Variants in ERBB4 observed in about 807,000 individuals in gnomAD.
ERBB4 encodes receptor tyrosine-protein kinase erbB-4.
In ERBB4, 42 loss-of-function variants were observed where a neutral mutation model predicts 158.0. The observed-to-expected ratio is 0.27, with a 90% CI of 0.21 to 0.34. The LOEUF is 0.34. Among genes scored for constraint, ERBB4 ranks in the 10% least tolerant of loss-of-function variants. The pLI is 1.00. For synonymous variants in ERBB4, 583 were observed against 558.7 expected, an observed-to-expected ratio of 1.04 and a Z score of -0.61; for missense variants, 1,333 against 1,624.1, an observed-to-expected ratio of 0.82 and a Z score of 3.08.
At chr2:211,928,792 GT>G (rs150908710) in intron 3 of ERBB4, among the ~76,000 whole-genome samples, 2,803 of 152,198 alleles carry the variant, frequency 0.018, 96 homozygotes, top group African/African-American at 0.064. Context: ...TTCTTGTCAG[GT>G]TTAAAATTTC....
At chr2:212,322,827 G>A (rs771743543) in intron 1 of ERBB4, among the ~76,000 whole-genome samples, 4 of 150,298 alleles carry the variant, frequency 2.7e-5, no homozygotes, top group Non-Finnish European at 6.0e-5. Flanking sequence ...GAAGCATTCG[G>A]TACAAACATT....
chr2:211,690,298 C>G (rs1328327784), intron 12 of ERBB4, among the ~76,000 whole-genome samples: 1 of 152,040 alleles, frequency 6.6e-6, no homozygotes, highest in Non-Finnish European at 1.5e-5. Flanking sequence ...GCTATCTTCT[C>G]CCTCTTGTCC....
chr2:212,086,239 A>G (rs1045244356), intron 2 of ERBB4, among the ~76,000 whole-genome samples: 7 of 151,938 alleles, frequency 4.6e-5, no homozygotes, highest in Non-Finnish European at 8.8e-5. Flanking sequence ...AAATAATGTC[A>G]GTGTACAAGA....
intron 20 of ERBB4, among the ~76,000 whole-genome samples, chr2:211,513,118 C>A (rs1313516043): frequency 6.6e-6 from 1 of 151,580 alleles, no homozygotes; most frequent in African/African-American, 2.4e-5. Flanking sequence ...TGTATTTGTT[C>A]CCTCAAGCCC....
At chr2:211,982,412 T>C (rs1431057901) in intron 2 of ERBB4, among the ~76,000 whole-genome samples, 2 of 152,020 alleles carry the variant, frequency 1.3e-5, no homozygotes, top group Non-Finnish European at 2.9e-5. Context: ...CAGGAAGAAA[T>C]GTTCCACAAA....
At chr2:212,454,351 C>G (rs1201451568) in intron 1 of ERBB4, among the ~76,000 whole-genome samples, 1 of 152,056 alleles carries the variant, frequency 6.6e-6, no homozygotes, top group Admixed American at 6.6e-5. Context: ...TTCACACAAC[C>G]CAAAACATGC....
chr2:212,271,590 C>G (rs1380642982), intron 1 of ERBB4, among the ~76,000 whole-genome samples: 2 of 151,732 alleles, frequency 1.3e-5, no homozygotes, highest in African/African-American at 4.8e-5. Flanking sequence ...AAAAACATTA[C>G]TATGGGCTAT....
intron 3 of ERBB4, among the ~76,000 whole-genome samples, chr2:211,870,323 G>A (rs867913417): frequency 4.6e-5 from 7 of 152,186 alleles, no homozygotes; most frequent in Middle Eastern, 3.4e-3. Flanking sequence ...CTTATAAAAT[G>A]TCTTTACATT....
intron 8 of ERBB4, among the ~76,000 whole-genome samples, chr2:211,713,270 T>G (rs1305800175): frequency 6.6e-6 from 1 of 152,116 alleles, no homozygotes; most frequent in East Asian, 1.9e-4. Flanking sequence ...ATTGACAGAG[T>G]AACAGGCAAC....
intron 6 of ERBB4, among the ~76,000 whole-genome samples, chr2:211,724,773 T>A (rs1286923506): frequency 6.6e-6 from 1 of 152,144 alleles, no homozygotes; most frequent in Non-Finnish European, 1.5e-5. Flanking sequence ...CATAAACAGG[T>A]AATCACCGCA....
chr2:211,635,897 A>G (rs916835429), intron 16 of ERBB4, among the ~76,000 whole-genome samples: 9 of 152,084 alleles, frequency 5.9e-5, no homozygotes, highest in Non-Finnish European at 7.4e-5. Flanking sequence ...ATTTTCAACT[A>G]AAGATAAAAC....
chr2:211,534,362 T>C (rs1851180), intron 20 of ERBB4, among the ~76,000 whole-genome samples: 48,615 of 151,794 alleles, frequency 0.32, 8,561 homozygotes, highest in East Asian at 0.64. Flanking sequence ...TTTATCTCTC[T>C]TATTTTTCTC....
At chr2:212,248,738 T>C (rs1203076976) in intron 1 of ERBB4, among the ~76,000 whole-genome samples, 1 of 152,110 alleles carries the variant, frequency 6.6e-6, no homozygotes, top group Admixed American at 6.6e-5. Flanking sequence ...ACTAAACGGT[T>C]GCTCAAAATG....
chr2:212,198,868 C>A (rs1251621416), intron 1 of ERBB4, among the ~76,000 whole-genome samples: 3 of 150,610 alleles, frequency 2.0e-5, no homozygotes, highest in Non-Finnish European at 2.9e-5. Flanking sequence ...CAGACATGAA[C>A]CACCACACCT....
chr2:212,474,312 TA>T (rs1689266210), intron 1 of ERBB4, among the ~76,000 whole-genome samples: 1 of 152,002 alleles, frequency 6.6e-6, no homozygotes, highest in Admixed American at 6.6e-5. Flanking sequence ...ATAGGAGGCA[TA>T]AACGAGTAAT....
At position 211,794,610 on chromosome 2, in the gene ERBB4, C is replaced by T. The variant is rs149331890; in HGVS notation, c.422-6451G>A. Among the ~76,000 whole-genome samples, 186 of 152,016 alleles carry T rather than the reference C, an allele frequency of 1.2e-3. 3 individuals are homozygous for T. The highest frequency in any genetic ancestry group is 4.4e-3 in the African/African-American group (183 of 41,526). ...GTTAGTGATATGCACTAGATATTTA[C>T]ATTGTAAATCCCATAAAATATTGAA... is the stretch of plus-strand genomic sequence containing the variant. On this transcript the variant is annotated intron_variant, in intron 3 of 27. Transcript: ENST00000342788.
chr2:211,750,928 T>G (rs982959416), intron 4 of ERBB4, among the ~76,000 whole-genome samples: 2 of 152,210 alleles, frequency 1.3e-5, no homozygotes, highest in African/African-American at 4.8e-5. Flanking sequence ...CCTCTTATCA[T>G]TTTTTAGGAA....
At chr2:212,399,037 G>C (rs558362688) in intron 1 of ERBB4, among the ~76,000 whole-genome samples, 2 of 152,022 alleles carry the variant, frequency 1.3e-5, no homozygotes, top group Non-Finnish European at 2.9e-5. Context: ...TCTGCCTCCT[G>C]GGTTCAAGCG....
Position 211,871,900 on chromosome 2 carries a change from G to A in ERBB4, c.421+75530C>T, listed in dbSNP as rs559201478. 4.6e-5 allele frequency among the ~76,000 whole-genome samples: 7 copies of A among 152,194 alleles called. No homozygotes were observed. The East Asian group carries it at 1.4e-3, about 29-fold the overall frequency. The stretch of plus-strand genomic sequence containing the variant: ...ATAGAAATGTATGGAGAGAGAGGGA[G>A]GAGAAGCAGGAGGAGGAAGACAGGG... On this transcript the variant is annotated intron_variant, in intron 3 of 27. Transcript: ENST00000342788.
Sources: allele counts gnomAD v4.1 joint callset (sites outside exome capture counted in the v4.1 genomes callset), GRCh38; gene constraint gnomAD v4.1.1; transcripts MANE v1.5; gene names NCBI Gene and HGNC (gene_info 2026-07-23, HGNC 2026-07-21).